Variants in C12orf42 observed in about 807,000 individuals in gnomAD.
C12orf42 encodes the protein uncharacterized protein C12orf42.
C12orf42 carries 25 observed loss-of-function variants against 21.6 expected under a neutral mutation model. The ratio of observed to expected loss-of-function variants is 1.16; its 90% CI spans 0.84 to 1.62. C12orf42 has a LOEUF of 1.62. C12orf42 is among the 40% of genes most tolerant of loss of function. The probability of loss-of-function intolerance (pLI) is 0.00; values close to 1 mark genes in which losing one functional copy is unlikely to be tolerated. For missense variants in C12orf42, 483 were observed against 459.3 expected, an observed-to-expected ratio of 1.05 and a Z score of -0.47; for synonymous variants, 174 against 175.0, an observed-to-expected ratio of 0.99 and a Z score of 0.05.
At chr12:103,072,015 G>A in the C12orf42 span, among the ~76,000 whole-genome samples, 1 of 152,140 alleles carries the variant, frequency 6.6e-6, no homozygotes, top group Non-Finnish European at 1.5e-5. Flanking sequence ...ATCTCTATCT[G>A]TTCCTGCTAA....
intron 4 of C12orf42, among the ~76,000 whole-genome samples, chr12:103,281,953 AAGAAAGAAAGAG>A (rs1245079371): frequency 2.0e-5 from 3 of 150,602 alleles, no homozygotes; most frequent in African/African-American, 4.9e-5. Context: ...GAAAGAAAGA[AAGAAAGAAAGAG>A]ATCGATCCTA....
chr12:103,547,811 T>G, the C12orf42 span: 9 of 152,208 alleles, frequency 5.9e-5, no homozygotes, highest in African/African-American at 2.2e-4. Flanking sequence ...TAACAGCGAA[T>G]CCAAGACTGG....
At chr12:103,054,755 T>G in the C12orf42 span, among the ~76,000 whole-genome samples, 1 of 151,926 alleles carries the variant, frequency 6.6e-6, no homozygotes, top group Non-Finnish European at 1.5e-5. Context: ...TCCCTCTCTA[T>G]TCCTATCTTT....
the C12orf42 span, among the ~76,000 whole-genome samples, chr12:103,163,373 G>A: frequency 6.6e-6 from 1 of 152,168 alleles, no homozygotes; most frequent in Non-Finnish European, 1.5e-5. Flanking sequence ...TAGGGTAGAA[G>A]TCTGGCTTTA....
the C12orf42 span, among the ~76,000 whole-genome samples, chr12:103,054,339 T>C: frequency 6.6e-6 from 1 of 151,912 alleles, no homozygotes; most frequent in Non-Finnish European, 1.5e-5. Context: ...ATATTTTGAG[T>C]GATTATAAAT....
intron 4 of C12orf42, among the ~76,000 whole-genome samples, chr12:103,315,510 C>T (rs2039380525): frequency 1.3e-5 from 2 of 151,990 alleles, no homozygotes; most frequent in African/African-American, 2.4e-5. Flanking sequence ...ATACGAACTT[C>T]CCAAACTAAA....
chr12:103,406,687 C>T (rs770452745), intron 2 of C12orf42, among the ~76,000 whole-genome samples: 3 of 152,148 alleles, frequency 2.0e-5, no homozygotes, highest in Non-Finnish European at 2.9e-5. Flanking sequence ...GGTGCAATTA[C>T]AGCACAACAG....
chr12:103,225,740 G>A, the C12orf42 span, among the ~76,000 whole-genome samples: 6 of 152,200 alleles, frequency 3.9e-5, no homozygotes, highest in African/African-American at 1.2e-4. Flanking sequence ...GGAGTTTTAA[G>A]AGGTTTAGAA....
chr12:103,294,444 A>AAGGAG (rs1555245929), intron 4 of C12orf42, among the ~76,000 whole-genome samples: 2 of 127,152 alleles, frequency 1.6e-5, no homozygotes, highest in African/African-American at 7.0e-5. Context: ...GAAAGAAAGA[A>AAGGAG]AGAAAGAAAG....
At chr12:103,163,411 T>C in the C12orf42 span, among the ~76,000 whole-genome samples, 1 of 152,214 alleles carries the variant, frequency 6.6e-6, no homozygotes, top group South Asian at 2.1e-4. Flanking sequence ...CATTTCATGT[T>C]GGTTTTATTA....
chr12:103,199,399 A>G, the C12orf42 span, among the ~76,000 whole-genome samples: 2 of 152,222 alleles, frequency 1.3e-5, no homozygotes, highest in African/African-American at 4.8e-5. Context: ...CCTTTTGGAC[A>G]CTGATGTTGG....
chr12:103,285,044 C>T (rs958420656), intron 4 of C12orf42, among the ~76,000 whole-genome samples: 5 of 152,134 alleles, frequency 3.3e-5, no homozygotes, highest in Admixed American at 2.6e-4. Flanking sequence ...GTCCTCATAA[C>T]AAAGCCCTGG....
At chr12:103,337,957 TA>T (rs2041853510) in intron 4 of C12orf42, among the ~76,000 whole-genome samples, 2 of 152,214 alleles carry the variant, frequency 1.3e-5, no homozygotes, top group African/African-American at 4.8e-5. Flanking sequence ...GACCACGTTA[TA>T]TTAATTGTCC....
At chr12:103,223,831 A>T in the C12orf42 span, among the ~76,000 whole-genome samples, 1 of 152,154 alleles carries the variant, frequency 6.6e-6, no homozygotes, top group Non-Finnish European at 1.5e-5. Flanking sequence ...CTGAGAAGGG[A>T]AAGTGGTAAA....
chr12:103,388,759 C>G (rs1457831664), intron 3 of C12orf42, among the ~76,000 whole-genome samples: 2 of 152,338 alleles, frequency 1.3e-5, no homozygotes, highest in East Asian at 1.9e-4. Context: ...CCCAGAGAAC[C>G]TCCTAGACTT....
chr12:103,457,237 T>C (rs1224199603), intron 2 of C12orf42, among the ~76,000 whole-genome samples: 2 of 152,220 alleles, frequency 1.3e-5, no homozygotes, highest in Non-Finnish European at 2.9e-5. Flanking sequence ...TGAAAGTTTG[T>C]CATTTGAACT....
chr12:103,314,734 G>A (rs992327767), intron 4 of C12orf42, among the ~76,000 whole-genome samples: 11 of 152,242 alleles, frequency 7.2e-5, no homozygotes, highest in South Asian at 2.1e-4. Context: ...TGTTCTAGCC[G>A]AGGGAAGGGA....
At chr12:103,159,001 GAA>G in the C12orf42 span, among the ~76,000 whole-genome samples, 2 of 151,478 alleles carry the variant, frequency 1.3e-5, no homozygotes, top group Non-Finnish European at 2.9e-5. Context: ...TCTGTTAAGA[GAA>G]AAAAAAATTT....
At chr12:103,379,406 C>T (rs890147133) in intron 3 of C12orf42, among the ~76,000 whole-genome samples, 4 of 152,002 alleles carry the variant, frequency 2.6e-5, no homozygotes, top group Non-Finnish European at 5.9e-5. Flanking sequence ...GATACAAGGC[C>T]AGACCATCAC....
Sources: allele counts gnomAD v4.1 joint callset (sites outside exome capture counted in the v4.1 genomes callset), GRCh38; gene constraint gnomAD v4.1.1; transcripts MANE v1.5; gene names NCBI Gene and HGNC (gene_info 2026-07-23, HGNC 2026-07-21).